Variants in MSMB observed in about 807,000 individuals in gnomAD.
MSMB encodes the protein beta-microseminoprotein.
In MSMB, 10 loss-of-function variants were observed where a neutral mutation model predicts 10.5. That is an observed-to-expected ratio of 0.95 (90% CI 0.59 to 1.62). The LOEUF (loss-of-function observed/expected upper bound fraction) is 1.62, where lower values mean the gene tolerates loss of function less well. MSMB is among the 40% of genes most tolerant of loss of function. MSMB has a pLI of 0.00. For synonymous variants in MSMB, 43 were observed against 46.5 expected (o/e 0.93, Z 0.30); for missense variants, 126 against 137.4 (o/e 0.92, Z 0.42).
intron 1 of MSMB, among the ~76,000 whole-genome samples, chr10:46,045,707 CG>C (rs1262980950): frequency 6.6e-5 from 10 of 152,226 alleles, no homozygotes; most frequent in Admixed American, 2.0e-4. Context: ...ATCAGAGTGT[CG>C]GGGTGGAAGA....
In MSMB at chr10:46,033,444, G is replaced by A; in HGVS notation, c.323C>T (p.Ser108Phe). The A allele has an allele frequency of 2.5e-6, 4 of 1,613,884 alleles. No individual in the cohort carries two copies. The highest frequency in any genetic ancestry group is 1.7e-4 in the Middle Eastern group (1 of 6,056). Reference protein sequence around the residue: ...VEKKDPKKTCSVSEWII With the variant: ...VEKKDPKKTCFVSEWII ...ACATTAGATTATCCATTCACTGACA[G>A]AACAGGTCTTTTTTGGGTCCTTCTT... Residue 108 changes from serine (S) to phenylalanine (F), a missense_variant, in exon 4 of 4, where the codon TCT (serine) becomes TTT (phenylalanine). Coordinates refer to ENST00000582163, the MANE Select transcript of MSMB (RefSeq NM_002443.4).
intron 2 of MSMB, among the ~76,000 whole-genome samples, 162 bp from the exon 3 acceptor site, chr10:46,039,233 C>T (rs1215754047): frequency 1.3e-5 from 2 of 152,208 alleles, no homozygotes; most frequent in Non-Finnish European, 2.9e-5. Flanking sequence ...TCACCCACGG[C>T]TAATTCCAGT....
At chr10:46,045,602 A>G (rs1220977060) in intron 1 of MSMB, among the ~76,000 whole-genome samples, 1 of 152,204 alleles carries the variant, frequency 6.6e-6, no homozygotes, top group Non-Finnish European at 1.5e-5. Flanking sequence ...TGATACAGTG[A>G]AAAGGGCCTA....
intron 1 of MSMB, 105 bp from the exon 2 acceptor site, chr10:46,040,196 A>G (rs1590195762): frequency 1.2e-6 from 1 of 867,074 alleles, no homozygotes; most frequent in Non-Finnish European, 1.8e-6. Context: ...CTGAGAGGTT[A>G]TGATGTGGAG....
At chr10:46,040,243 T>C (rs1159050607) in intron 1 of MSMB, 152 bp from the exon 2 acceptor site, 1 of 488,324 alleles carries the variant, frequency 2.0e-6, no homozygotes, top group Non-Finnish European at 3.6e-6. Flanking sequence ...TAGGCTGAAA[T>C]TGTAGAACAA....
intron 1 of MSMB, among the ~76,000 whole-genome samples, chr10:46,041,340 G>T (rs1183895603): frequency 5.4e-5 from 4 of 73,622 alleles, no homozygotes; most frequent in South Asian, 6.8e-4. Context: ...GTGAGACTCC[G>T]TCTCAAAAAA....
Position 46,033,510 on chromosome 10 carries a change from C to T in MSMB, c.257G>A (p.Arg86Lys). 6.2e-7 allele frequency: 1 copy of T among 1,613,874 alleles called. No homozygotes were observed. The highest frequency in any genetic ancestry group is 1.7e-4 in the Middle Eastern group (1 of 6,058). Residue 86 changes from arginine (R) to lysine (K), a missense_variant, in exon 4 of 4, where the codon AGA (arginine) becomes AAA (lysine). Coordinates refer to ENST00000582163, the MANE Select transcript of MSMB (RefSeq NM_002443.4). ...PVGYDKDNCQ[R>K]IFKKEDCKYI... is the part of the protein sequence containing the mutation. ...CTTGCAGTCCTCCTTCTTGAAGATT[C>T]TTTGGCAGTTGTCTTTGTCATAACC... is the stretch of plus-strand genomic sequence containing the variant.
chr10:46,039,769 C>T (rs1206109122), intron 2 of MSMB, among the ~76,000 whole-genome samples: 2 of 152,188 alleles, frequency 1.3e-5, no homozygotes, highest in African/African-American at 4.8e-5. Flanking sequence ...GTAGTCCCAG[C>T]TACTTGGGAG....
chr10:46,033,820 A>G (rs1241229686), intron 3 of MSMB, among the ~76,000 whole-genome samples: 1 of 152,230 alleles, frequency 6.6e-6, no homozygotes, highest in Admixed American at 6.5e-5. Flanking sequence ...AGAAAGTGGC[A>G]GCTTGTTCCA....
At chr10:46,046,152 T>G in intron 1 of MSMB, 83 bp downstream of exon 1, 4 of 1,358,188 alleles carry the variant, frequency 2.9e-6, no homozygotes, top group Non-Finnish European at 4.2e-6. Flanking sequence ...CAATGCTATG[T>G]GGTAGAAGCA....
chr10:46,038,154 C>G (rs113053689), intron 3 of MSMB, among the ~76,000 whole-genome samples: 131 of 152,220 alleles, frequency 8.6e-4, no homozygotes, highest in Non-Finnish European at 1.6e-3. Context: ...GGGTATAGAG[C>G]TTCAGTTTTG....
rs1446818317 is a variant in MSMB at position 46,037,329 on chromosome 10, G to A, written c.215+1637C>T. ...TGAGTCTGTGATCAGACAAGTTTGC[G>A]AAATGCCCCTTGACACCAATGCTCT... is the stretch of plus-strand genomic sequence containing the variant. On this transcript the variant is annotated intron_variant, in intron 3 of 3. Transcript: ENST00000582163. Among the ~76,000 whole-genome samples, 6 of 152,242 alleles carry A rather than the reference G, an allele frequency of 3.9e-5. No homozygotes were observed. The East Asian group carries it at 5.8e-4, about 15-fold the overall frequency.
At chr10:46,037,697 A>C (rs7076948) in intron 3 of MSMB, among the ~76,000 whole-genome samples, 1 of 151,990 alleles carries the variant, frequency 6.6e-6, no homozygotes, top group Admixed American at 6.5e-5. Context: ...AGCCACTGCT[A>C]TTTCTACAAA....
At chr10:46,040,181 C>T in intron 1 of MSMB, 90 bp from the exon 2 acceptor site, 5 of 1,104,590 alleles carry the variant, frequency 4.5e-6, no homozygotes, top group Non-Finnish European at 6.6e-6. Flanking sequence ...CTCGGCTGGG[C>T]TCTGCTGAGA....
At chr10:46,042,713 G>C (rs1840780333) in intron 1 of MSMB, among the ~76,000 whole-genome samples, 1 of 152,200 alleles carries the variant, frequency 6.6e-6, no homozygotes, top group Non-Finnish European at 1.5e-5. Flanking sequence ...TGGTGAGCCA[G>C]CAAGGTAGAA....
At chr10:46,035,163 G>A (rs55982818) in intron 3 of MSMB, among the ~76,000 whole-genome samples, 2,273 of 152,258 alleles carry the variant, frequency 0.015, 27 homozygotes, top group Non-Finnish European at 0.024. Flanking sequence ...CATGTTTAAA[G>A]GTGATTGCTG....
rs1407532139 is a variant in MSMB at position 46,046,223 on chromosome 10, C to T, written c.3+12G>A. 1.9e-6 allele frequency: 3 copies of T among 1,610,850 alleles called. No individual in the cohort carries two copies. The highest frequency in any genetic ancestry group is 2.2e-5 in the East Asian group (1 of 44,880). On this transcript the variant is annotated intron_variant, in intron 1 of 3. Transcript: ENST00000582163. ...GCTTTTCTAGCCTTTATATATAAAA[C>T]CAGTTACCTACCATTGTGATAAGCA...
At chr10:46,042,794 T>C (rs950924609) in intron 1 of MSMB, among the ~76,000 whole-genome samples, 8 of 152,218 alleles carry the variant, frequency 5.3e-5, no homozygotes, top group African/African-American at 1.9e-4. Flanking sequence ...AAATACATGA[T>C]GCGGAGAGAG....
chr10:46,038,292 A>T (rs1840657696), intron 3 of MSMB, among the ~76,000 whole-genome samples: 1 of 143,624 alleles, frequency 7.0e-6, no homozygotes, highest in Non-Finnish European at 1.5e-5. Context: ...TTTTACCGCA[A>T]TTTTTTTTTT....
Sources: allele counts gnomAD v4.1 joint callset (sites outside exome capture counted in the v4.1 genomes callset), GRCh38; gene constraint gnomAD v4.1.1; transcripts MANE v1.5; gene names NCBI Gene and HGNC (gene_info 2026-07-23, HGNC 2026-07-21).